Variants in WDR41 observed in about 807,000 individuals in gnomAD.
The protein encoded by WDR41 is WD repeat-containing protein 41.
WDR41 carries 63 observed loss-of-function variants against 69.3 expected under a neutral mutation model. The observed-to-expected ratio is 0.91, with a 90% CI of 0.74 to 1.12. The LOEUF is 1.12. Among genes scored for constraint, WDR41 ranks in the 50% most tolerant of loss-of-function variants. The pLI, the probability that WDR41 is intolerant of heterozygous loss-of-function variation, is 0.00. For synonymous variants in WDR41, 185 were observed against 192.1 expected (o/e 0.96, Z 0.31); for missense variants, 543 against 534.5 (o/e 1.02, Z -0.16).
intron 1 of WDR41, among the ~76,000 whole-genome samples, chr5:77,563,565 G>A (rs534102335): frequency 6.6e-6 from 1 of 152,206 alleles, no homozygotes; most frequent in East Asian, 1.9e-4. Context: ...TTGCTTTTAT[G>A]GCCCTTTGAT....
chr5:77,535,465 T>G (rs949066868), intron 1 of WDR41, among the ~76,000 whole-genome samples: 1 of 152,234 alleles, frequency 6.6e-6, no homozygotes, highest in Non-Finnish European at 1.5e-5. Context: ...ACAACTGTGT[T>G]GTGCATACGT....
At chr5:77,502,532 A>G (rs1802036265) in intron 1 of WDR41, among the ~76,000 whole-genome samples, 1 of 152,084 alleles carries the variant, frequency 6.6e-6, no homozygotes, top group African/African-American at 2.4e-5. Context: ...CCACAAAGAT[A>G]CTCCTCAAGA....
intron 1 of WDR41, among the ~76,000 whole-genome samples, chr5:77,574,996 A>G (rs957066797): frequency 1.3e-5 from 2 of 152,204 alleles, no homozygotes; most frequent in African/African-American, 2.4e-5. Flanking sequence ...TACAAAAATC[A>G]CATTTCATAA....
intron 1 of WDR41, among the ~76,000 whole-genome samples, chr5:77,589,775 A>G (rs1162382878): frequency 6.6e-6 from 1 of 152,126 alleles, no homozygotes; most frequent in Admixed American, 6.6e-5. Flanking sequence ...TTCATGAACA[A>G]TGACATTTTT....
intron 1 of WDR41, among the ~76,000 whole-genome samples, chr5:77,556,400 C>CGACT (rs1303541245): frequency 4.0e-5 from 6 of 150,290 alleles, no homozygotes; most frequent in African/African-American, 4.9e-5. Context: ...CCGTTGCACC[C>CGACT]GACTGACTGA....
chr5:77,534,982 T>TA (rs1359235177), intron 1 of WDR41, among the ~76,000 whole-genome samples: 3 of 152,332 alleles, frequency 2.0e-5, no homozygotes, highest in Admixed American at 6.5e-5. Flanking sequence ...GTGAACCCAA[T>TA]AGTTATGTTT....
chr5:77,533,123 G>A (rs772812803), intron 1 of WDR41, among the ~76,000 whole-genome samples: 3 of 152,182 alleles, frequency 2.0e-5, no homozygotes, highest in Non-Finnish European at 4.4e-5. Flanking sequence ...TCTCTCGGGA[G>A]AAGGAAGTAT....
At chr5:77,607,309 C>T (rs573237515) in intron 1 of WDR41, among the ~76,000 whole-genome samples, 1 of 152,208 alleles carries the variant, frequency 6.6e-6, no homozygotes, top group East Asian at 1.9e-4. Flanking sequence ...AAGAAAACTT[C>T]CACAGGACTT....
upstream of WDR41, among the ~76,000 whole-genome samples, chr5:77,494,117 G>A (rs541424221): frequency 6.6e-6 from 1 of 152,224 alleles, no homozygotes; most frequent in South Asian, 2.1e-4. Context: ...TTGTTATAAC[G>A]TTAGGATGTT....
chr5:77,508,751 C>T (rs535386652), intron 1 of WDR41, among the ~76,000 whole-genome samples: 1 of 152,144 alleles, frequency 6.6e-6, no homozygotes, highest in Non-Finnish European at 1.5e-5. Context: ...TTGTTGTTTG[C>T]TTGTGTACTT....
intron 5 of WDR41, among the ~76,000 whole-genome samples, chr5:77,457,877 C>G (rs1452969394): frequency 1.3e-5 from 2 of 152,014 alleles, no homozygotes; most frequent in African/African-American, 4.8e-5. Flanking sequence ...CTAGCTGATT[C>G]ACATTACAGT....
At position 77,594,261 on chromosome 5, in the gene WDR41, G is replaced by A. The variant is rs1744181307; in HGVS notation, c.42+26218C>T. ...AGGGGAACATCACACACCGGGGCCTGTTGTGGGGTGGGGGGAGGGGGGAGG... is the reference window on the plus strand; with the variant it reads ...AGGGGAACATCACACACCGGGGCCTATTGTGGGGTGGGGGGAGGGGGGAGG... On this transcript the variant is annotated intron_variant, in intron 1 of 5. Transcript: ENST00000509971. Among the ~76,000 whole-genome samples the A allele has an allele frequency of 2.7e-5, 3 of 112,406 alleles. No homozygotes were observed. In the Admixed American group the frequency reaches 3.7e-4, roughly 14 times the overall value. 73.7% of individuals were successfully genotyped at this position (112,406 alleles called of 152,430 possible).
In WDR41 at chr5:77,555,065, T is replaced by A. The variant is rs1465201592; in HGVS notation, c.42+65414A>T. On this transcript the variant is annotated intron_variant, in intron 1 of 5. Coordinates refer to the WDR41 transcript ENST00000509971. ...TTGTACCACTGCATTCCAGCTTGGG[T>A]GAGACAACAAGACCCTGTTTCAAAA... 2.0e-5 allele frequency among the ~76,000 whole-genome samples: 3 copies of A among 149,146 alleles called. No homozygotes were observed. The East Asian group carries it at 5.9e-4, about 29-fold the overall frequency.
At chr5:77,480,825 T>TA (rs10559151) in intron 2 of WDR41, among the ~76,000 whole-genome samples, 2,239 of 145,398 alleles carry the variant, frequency 0.015, 18 homozygotes, top group Non-Finnish European at 0.022. Flanking sequence ...AAAGTATAAT[T>TA]AAAAAAAAAA....
At chr5:77,441,773 A>T (rs1799178745) in intron 8 of WDR41, among the ~76,000 whole-genome samples, 1 of 152,062 alleles carries the variant, frequency 6.6e-6, no homozygotes, top group Non-Finnish European at 1.5e-5. Flanking sequence ...CACTGAAATG[A>T]CAAAAAGCTG....
intron 1 of WDR41, among the ~76,000 whole-genome samples, chr5:77,571,069 T>C (rs374069542): frequency 6.6e-6 from 1 of 152,248 alleles, no homozygotes; most frequent in African/African-American, 2.4e-5. Flanking sequence ...CACACACAGA[T>C]GTCAGTCAGT....
intron 1 of WDR41, among the ~76,000 whole-genome samples, chr5:77,597,454 C>G (rs1312734207): frequency 6.6e-6 from 1 of 152,058 alleles, no homozygotes; most frequent in African/African-American, 2.4e-5. Flanking sequence ...GAGTTTGGCC[C>G]TCAGTAAGTA....
intron 1 of WDR41, among the ~76,000 whole-genome samples, chr5:77,529,408 T>G (rs1802492201): frequency 6.6e-6 from 1 of 151,554 alleles, no homozygotes; most frequent in African/African-American, 2.4e-5. Context: ...ACCACGTTCA[T>G]GGATTCAGAG....
chr5:77,565,584 TGATA>T (rs1221153703), intron 1 of WDR41, among the ~76,000 whole-genome samples: 1 of 152,090 alleles, frequency 6.6e-6, no homozygotes, highest in East Asian at 1.9e-4. Context: ...AAGAAATTGG[TGATA>T]GATTGACTAT....
Sources: gnomAD v4.1 joint callset for allele counts (sites outside exome capture counted in the v4.1 genomes callset) on GRCh38, gnomAD v4.1.1 for gene constraint, MANE v1.5 for transcripts, NCBI Gene and HGNC (gene_info 2026-07-23, HGNC 2026-07-21) for gene names.